CYP39A1: variants seen among roughly 807,000 people sequenced by gnomAD.
CYP39A1 encodes cytochrome P450 family 39 subfamily A member 1, also known as 24-hydroxycholesterol 7-alpha-hydroxylase.
A neutral mutation model predicts 58.1 loss-of-function variants in CYP39A1; 49 were observed. The observed-to-expected ratio is 0.84, with a 90% confidence interval of 0.67 to 1.07. The LOEUF (loss-of-function observed/expected upper bound fraction) is 1.07, where lower values mean the gene tolerates loss of function less well. Ranked by LOEUF, CYP39A1 falls within the 50% of genes least tolerant of loss-of-function variation. The probability of loss-of-function intolerance (pLI) is 0.00; values close to 1 mark genes in which losing one functional copy is unlikely to be tolerated. For missense variants in CYP39A1, 531 were observed against 539.4 expected (o/e 0.98, Z 0.16); for synonymous variants, 209 against 187.6 (o/e 1.11, Z -0.93).
chr6:46,552,808 G>C (rs1582277456), intron 11 of CYP39A1, among the ~76,000 whole-genome samples: 1 of 152,276 alleles, frequency 6.6e-6, no homozygotes, highest in East Asian at 1.9e-4. Flanking sequence ...TTCTGGGCCA[G>C]GTGCTGTGGC....
intron 1 of CYP39A1, among the ~76,000 whole-genome samples, chr6:46,649,894 T>C (rs1475410744): frequency 1.3e-5 from 2 of 152,202 alleles, no homozygotes; most frequent in African/African-American, 2.4e-5. Flanking sequence ...CTTCTCAGTC[T>C]TCTAGAGGAG....
chr6:46,571,296 A>C (rs1214551055), intron 10 of CYP39A1, among the ~76,000 whole-genome samples: 1 of 152,032 alleles, frequency 6.6e-6, no homozygotes, highest in Non-Finnish European at 1.5e-5. Flanking sequence ...TGCTTGGATG[A>C]TCTCTCTATT....
rs1247244223 is a variant in CYP39A1 at position 46,616,179 on chromosome 6, CTT to C, written c.931+9237_931+9238del. Among the ~76,000 whole-genome samples, 191 of 30,372 alleles carry C rather than the reference CTT, an allele frequency of 6.3e-3. 15 individuals are homozygous for C. The highest frequency in any genetic ancestry group is 8.2e-3 in the Non-Finnish European group (133 of 16,316). The allele number at this position is 30,372 out of a possible 152,430, so 19.9% of individuals were successfully genotyped here. ...TTCTTTCTTTTTTCTTTCTTTCTTT[CTT>C]TCTTTCTTCTTTCCCTCCCTCCCTC... On this transcript the variant is annotated intron_variant, in intron 7 of 11. Transcript: ENST00000275016.
At chr6:46,587,712 T>C (rs1490209730) in intron 9 of CYP39A1, among the ~76,000 whole-genome samples, 2 of 152,304 alleles carry the variant, frequency 1.3e-5, no homozygotes, top group East Asian at 1.9e-4. Flanking sequence ...TGGAAACCAA[T>C]GACAGAAGCA....
chr6:46,557,933 CAAAA>C (rs1186594398), intron 10 of CYP39A1, among the ~76,000 whole-genome samples: 2 of 37,638 alleles, frequency 5.3e-5, no homozygotes, highest in African/African-American at 9.9e-5. Context: ...GACTCCATCT[CAAAA>C]AAAAAAAAAA....
chr6:46,559,814 G>A lies in CYP39A1; in HGVS notation c.1251-5960C>T, dbSNP rs569402746. ...GTGACTTTTATGGGAACAGTAAAGCGACACTTAGATTATACACTAAGAGTT... is the reference window on the plus strand; with the variant it reads ...GTGACTTTTATGGGAACAGTAAAGCAACACTTAGATTATACACTAAGAGTT... On this transcript the variant is annotated intron_variant, in intron 10 of 11. Transcript: ENST00000275016. Among the ~76,000 whole-genome samples the A allele has an allele frequency of 7.2e-5, 11 of 152,236 alleles. No individual in the cohort carries two copies. In the East Asian group the frequency reaches 1.4e-3, roughly 19 times the overall value.
intron 5 of CYP39A1, among the ~76,000 whole-genome samples, chr6:46,633,537 C>T (rs1775780460): frequency 6.6e-6 from 1 of 152,108 alleles, no homozygotes; most frequent in Non-Finnish European, 1.5e-5. Flanking sequence ...TTCTTCTTAG[C>T]TCACACTTTT....
intron 1 of CYP39A1, among the ~76,000 whole-genome samples, chr6:46,647,519 C>T (rs1386812389): frequency 6.6e-6 from 1 of 152,120 alleles, no homozygotes; most frequent in Non-Finnish European, 1.5e-5. Flanking sequence ...CATTTAGATC[C>T]TATGCCCACA....
chr6:46,593,107 A>C (rs1772941005), intron 8 of CYP39A1, among the ~76,000 whole-genome samples: 1 of 152,168 alleles, frequency 6.6e-6, no homozygotes, highest in African/African-American at 2.4e-5. Flanking sequence ...AATTAGTGTT[A>C]AAAAAATTTT....
intron 1 of CYP39A1, 34 bp from the exon 2 acceptor site, chr6:46,642,332 G>A: frequency 6.3e-7 from 1 of 1,585,610 alleles, no homozygotes. Context: ...ATATTAGTAA[G>A]CATTCCTAAG....
chr6:46,638,716 C>T (rs1034549204), intron 3 of CYP39A1, among the ~76,000 whole-genome samples: 8 of 152,096 alleles, frequency 5.3e-5, no homozygotes, highest in Non-Finnish European at 1.0e-4. Flanking sequence ...GTCCCCCCTC[C>T]ACCCCCTACT....
intron 7 of CYP39A1, among the ~76,000 whole-genome samples, chr6:46,608,515 A>G (rs760243752): frequency 1.9e-3 from 284 of 152,270 alleles, no homozygotes; most frequent in Non-Finnish European, 2.6e-3. Flanking sequence ...TCCATTTTTT[A>G]AAATTATATA....
chr6:46,627,599 T>C (rs1020642857), intron 6 of CYP39A1, among the ~76,000 whole-genome samples: 1 of 152,014 alleles, frequency 6.6e-6, no homozygotes, highest in Non-Finnish European at 1.5e-5. Flanking sequence ...TTTGTATTTT[T>C]AGTAGAGACA....
chr6:46,634,525 T>TTC (rs1491348899), intron 5 of CYP39A1, among the ~76,000 whole-genome samples: 1 of 67,622 alleles, frequency 1.5e-5, no homozygotes, highest in Non-Finnish European at 4.2e-5. Flanking sequence ...TTCTTTTTGC[T>TTC]TTTTTTTTTT....
At chr6:46,595,913 G>GA in intron 8 of CYP39A1, 74 bp downstream of exon 8, 1 of 1,408,914 alleles carries the variant, frequency 7.1e-7, no homozygotes, top group Non-Finnish European at 9.8e-7. Context: ...ATGTCAACCT[G>GA]AAAAATATAT....
chr6:46,618,155 T>C (rs1465001388), intron 7 of CYP39A1, among the ~76,000 whole-genome samples: 1 of 152,156 alleles, frequency 6.6e-6, no homozygotes, highest in Admixed American at 6.5e-5. Context: ...TACAAAGCAA[T>C]TACGATTTGC....
chr6:46,648,640 C>T (rs887931340), intron 1 of CYP39A1, among the ~76,000 whole-genome samples: 5 of 151,764 alleles, frequency 3.3e-5, no homozygotes, highest in Non-Finnish European at 5.9e-5. Context: ...GCATGTTGTG[C>T]ACATGTACCC....
chr6:46,639,440 T>A (rs1776189998), intron 3 of CYP39A1, 54 bp downstream of exon 3: 1 of 1,560,804 alleles, frequency 6.4e-7, no homozygotes, highest in Non-Finnish European at 8.7e-7. Flanking sequence ...TAGGTTTCAA[T>A]TTTTTTATTT....
intron 4 of CYP39A1, 66 bp from the exon 5 acceptor site, chr6:46,636,548 T>G (rs1776002556): frequency 1.1e-6 from 1 of 951,586 alleles, no homozygotes; most frequent in Non-Finnish European, 1.6e-6. Context: ...GGTCACAGCA[T>G]AAAAAAGGGA....
Sources: gnomAD v4.1 joint callset for allele counts (sites outside exome capture counted in the v4.1 genomes callset) on GRCh38, gnomAD v4.1.1 for gene constraint, MANE v1.5 for transcripts, NCBI Gene and HGNC (gene_info 2026-07-23, HGNC 2026-07-21) for gene names.